UNC5D: variants seen among roughly 807,000 people sequenced by gnomAD.
UNC5D encodes the protein netrin receptor UNC5D.
In UNC5D, 39 loss-of-function variants were observed where a neutral mutation model predicts 105.4. The ratio of observed to expected loss-of-function variants is 0.37; its 90% confidence interval spans 0.29 to 0.48. The LOEUF is 0.48. UNC5D is among the 20% of genes least tolerant of loss of function. UNC5D has a pLI of 0.98. For synonymous variants in UNC5D, 452 were observed against 450.4 expected (o/e 1.00, Z -0.04); for missense variants, 991 against 1,202.4 (o/e 0.82, Z 2.60).
At chr8:35,787,998 AAAG>A (rs1004083353) in intron 16 of UNC5D, among the ~76,000 whole-genome samples, 18 of 152,202 alleles carry the variant, frequency 1.2e-4, no homozygotes, top group Admixed American at 1.1e-3. Context: ...AGAAAAAAGA[AAAG>A]GAGGAAGGAA....
chr8:35,433,994 T>A (rs934165018), intron 1 of UNC5D, among the ~76,000 whole-genome samples: 1 of 152,158 alleles, frequency 6.6e-6, no homozygotes, highest in Non-Finnish European at 1.5e-5. Flanking sequence ...TGCAATGTAT[T>A]CTATGATTCT....
At chr8:35,476,557 C>A (rs1025938370) in intron 1 of UNC5D, among the ~76,000 whole-genome samples, 2 of 152,178 alleles carry the variant, frequency 1.3e-5, no homozygotes, top group Non-Finnish European at 2.9e-5. Flanking sequence ...ACACTCTGAA[C>A]CTTACCTCCA....
At position 35,792,384 on chromosome 8, in the gene UNC5D, CA is replaced by C; in HGVS notation, c.*1825del. ...ATAGAAGTCTTTGCTACATGTAATT[CA>C]AAAGCATCTCGCTTTTCTCAGGAAC... On this transcript the variant is annotated 3_prime_UTR_variant, in exon 17 of 17. Coordinates refer to ENST00000404895, the MANE Select transcript of UNC5D (RefSeq NM_080872.4). 1 of 152,368 alleles carries C rather than the reference CA, an allele frequency of 6.6e-6. No homozygotes were observed. The highest frequency in any genetic ancestry group is 2.4e-5 in the African/African-American group (1 of 41,518). The allele number at this position is 152,368 out of a possible 1,614,324, so 9.4% of individuals were successfully genotyped here. A position where few individuals can be genotyped will look rare whatever the true frequency, so the allele number is the denominator to read the frequency against.
intron 1 of UNC5D, among the ~76,000 whole-genome samples, chr8:35,455,365 G>A (rs1468620492): frequency 2.0e-5 from 3 of 150,744 alleles, no homozygotes; most frequent in South Asian, 2.1e-4. Flanking sequence ...TGCAGCCTCC[G>A]CCTCTTCAGT....
rs138241263 is a variant in UNC5D, at chr8:35,686,597, T to C, written c.972T>C (p.Cys324=). The C allele has an allele frequency of 1.1e-5, 18 of 1,607,446 alleles. No individual in the cohort carries two copies. The African/African-American group carries it at 1.5e-4, about 13-fold the overall frequency. The change falls in exon 7 of 17, where the codon TGT becomes TGC. Residue 324 remains cysteine (C), a synonymous_variant. Transcript: ENST00000404895. ...AATGGTCCGTCTGCAGTCCAGAGTG[T>C]GAACATTTGCGGATCCGGGAGTGCA... The part of the protein sequence containing the change: ...WSEWSVCSPE[C]EHLRIRECTA...
chr8:35,677,300 TA>T (rs1825306845), intron 4 of UNC5D, among the ~76,000 whole-genome samples: 1 of 152,148 alleles, frequency 6.6e-6, no homozygotes, highest in African/African-American at 2.4e-5. Flanking sequence ...CCACATTTTT[TA>T]AGAAAAATGA....
intron 7 of UNC5D, among the ~76,000 whole-genome samples, chr8:35,697,553 C>G (rs1826874895): frequency 6.6e-6 from 1 of 152,082 alleles, no homozygotes; most frequent in East Asian, 1.9e-4. Flanking sequence ...GTACTCCAAA[C>G]TCCTCATCAA....
At chr8:35,602,770 G>T (rs1819984074) in intron 4 of UNC5D, among the ~76,000 whole-genome samples, 1 of 151,920 alleles carries the variant, frequency 6.6e-6, no homozygotes, top group Admixed American at 6.6e-5. Context: ...TGTGCACAAT[G>T]TGCAGGTTAG....
At chr8:35,734,446 T>C (rs1024503030) in intron 11 of UNC5D, among the ~76,000 whole-genome samples, 25 of 151,950 alleles carry the variant, frequency 1.6e-4, no homozygotes, top group Admixed American at 9.2e-4. Flanking sequence ...GTTTTGCTCT[T>C]GTTGCCCAGG....
intron 1 of UNC5D, among the ~76,000 whole-genome samples, chr8:35,251,554 C>G (rs72632800): frequency 1.3e-5 from 2 of 152,226 alleles, no homozygotes; most frequent in Non-Finnish European, 2.9e-5. Context: ...GGGAGCTAGC[C>G]TTTTCTTGCT....
chr8:35,767,080 C>G lies in UNC5D; in HGVS notation c.2478+14C>G. ...TCAATCCTAGAGGTGAGTCCTTGAT[C>G]TACAGGTCATTTGACCCCCTTTCTG... On this transcript the variant is annotated intron_variant, in intron 15 of 16. Coordinates refer to ENST00000404895, the MANE Select transcript of UNC5D (RefSeq NM_080872.4). 1 of 1,600,600 alleles carries G rather than the reference C, an allele frequency of 6.2e-7. No homozygotes were observed. The highest frequency in any genetic ancestry group is 2.2e-5 in the East Asian group (1 of 44,606).
chr8:35,561,284 A>G (rs1816942789), intron 2 of UNC5D, among the ~76,000 whole-genome samples: 1 of 152,124 alleles, frequency 6.6e-6, no homozygotes, highest in African/African-American at 2.4e-5. Context: ...CACAGAGCCC[A>G]CTGACATTAT....
chr8:35,698,678 G>A (rs1032586379), intron 7 of UNC5D, among the ~76,000 whole-genome samples: 4 of 152,120 alleles, frequency 2.6e-5, no homozygotes, highest in Admixed American at 2.6e-4. Context: ...CATTTAGGTT[G>A]TTTTCATATC....
chr8:35,612,181 T>A (rs1820726150), intron 4 of UNC5D, among the ~76,000 whole-genome samples: 1 of 152,170 alleles, frequency 6.6e-6, no homozygotes, highest in African/African-American at 2.4e-5. Context: ...ACTATTCTTG[T>A]TTTTAATCTC....
Position 35,622,343 on chromosome 8 carries a change from A to AAAAC in UNC5D, c.570+26706_570+26709dup, listed in dbSNP as rs201722040. On this transcript the variant is annotated intron_variant, in intron 4 of 16. Transcript: ENST00000404895. ...GCAACAGAGAGGGAGACTCTGTCTCAAAACAAACAAACAAACAAACAAAAC... is the reference window on the plus strand; with the variant it reads ...GCAACAGAGAGGGAGACTCTGTCTCAAAACAAACAAACAAACAAACAAACAAAAC... Among the ~76,000 whole-genome samples, 21 of 152,156 alleles carry AAAAC rather than the reference A, an allele frequency of 1.4e-4. No homozygotes were observed. In the South Asian group the frequency reaches 2.5e-3, roughly 18 times the overall value.
chr8:35,656,610 G>A (rs1248838152), intron 4 of UNC5D, among the ~76,000 whole-genome samples: 1 of 151,982 alleles, frequency 6.6e-6, no homozygotes, highest in African/African-American at 2.4e-5. Context: ...TTGAACCTCC[G>A]TAATGCAAAC....
At chr8:35,421,863 A>G (rs1052323820) in intron 1 of UNC5D, among the ~76,000 whole-genome samples, 3 of 152,204 alleles carry the variant, frequency 2.0e-5, no homozygotes. Flanking sequence ...ATAAAACTTA[A>G]ACTCATCATA....
At chr8:35,778,356 C>G (rs1802351263) in intron 16 of UNC5D, among the ~76,000 whole-genome samples, 1 of 152,242 alleles carries the variant, frequency 6.6e-6, no homozygotes, top group East Asian at 1.9e-4. Context: ...TAGTACTGTC[C>G]CGAAGACAAC....
intron 1 of UNC5D, among the ~76,000 whole-genome samples, chr8:35,297,776 G>T (rs1392961477): frequency 7.9e-6 from 1 of 127,122 alleles, no homozygotes; most frequent in Non-Finnish European, 1.8e-5. Context: ...AAGATGTTAT[G>T]ATTTTTTTTT....
Sources: gnomAD v4.1 joint callset for allele counts (sites outside exome capture counted in the v4.1 genomes callset) on GRCh38, gnomAD v4.1.1 for gene constraint, MANE v1.5 for transcripts, NCBI Gene and HGNC (gene_info 2026-07-23, HGNC 2026-07-21) for gene names.